Variants in DOCK11 observed in about 807,000 individuals in gnomAD.
DOCK11 encodes dedicator of cytokinesis protein 11.
Under a neutral mutation model 169.1 loss-of-function variants are expected in DOCK11, and 70 were observed. The observed-to-expected ratio is 0.41, with a 90% confidence interval of 0.34 to 0.51. DOCK11 has a LOEUF of 0.51. Ranked by LOEUF, DOCK11 falls within the 20% of genes least tolerant of loss-of-function variation. The probability of loss-of-function intolerance (pLI) is 0.10; values close to 1 mark genes in which losing one functional copy is unlikely to be tolerated. For missense variants in DOCK11, 1,166 were observed against 1,538.8 expected, an observed-to-expected ratio of 0.76 and a Z score of 4.05; for synonymous variants, 529 against 541.3, an observed-to-expected ratio of 0.98 and a Z score of 0.32.
intron 1 of DOCK11, among the ~76,000 whole-genome samples, chrX:118,539,012 C>T (rs1350922720): frequency 9.0e-6 from 1 of 111,301 alleles, no homozygotes; most frequent in Non-Finnish European, 1.9e-5. Flanking sequence ...AGGGTTCAGT[C>T]CCTTCTCATC....
chrX:118,576,520 C>T (rs1006925321), intron 12 of DOCK11, among the ~76,000 whole-genome samples: 1 of 111,852 alleles, frequency 8.9e-6, no homozygotes, highest in African/African-American at 3.3e-5. Context: ...CATCTCTGTG[C>T]CTCAGCATCC....
intron 41 of DOCK11, 76 bp downstream of exon 41, chrX:118,649,203 C>T: frequency 4.8e-6 from 4 of 825,190 alleles, no homozygotes; most frequent in Non-Finnish European, 6.7e-6. Context: ...CCAGAGCCAC[C>T]CAATCCAGTC....
chrX:118,559,700 A>G (rs1180503454), intron 6 of DOCK11, among the ~76,000 whole-genome samples: 1 of 110,992 alleles, frequency 9.0e-6, no homozygotes, highest in Admixed American at 9.7e-5. Flanking sequence ...CATGGGCAAC[A>G]TAGGGAGACC....
At chrX:118,526,663 A>G (rs1016556717) in intron 1 of DOCK11, among the ~76,000 whole-genome samples, 3 of 112,381 alleles carry the variant, frequency 2.7e-5, no homozygotes, top group Non-Finnish European at 5.6e-5. Context: ...CCCAAGGGTC[A>G]GAGGAAAGAG....
chrX:118,510,283 A>G (rs1157888699), intron 1 of DOCK11, among the ~76,000 whole-genome samples: 1 of 112,551 alleles, frequency 8.9e-6, no homozygotes, highest in African/African-American at 3.2e-5. Flanking sequence ...GCAAACAGCC[A>G]GGCGCAGAAG....
chrX:118,542,175 CTTT>C (rs35885757), intron 1 of DOCK11, among the ~76,000 whole-genome samples: 1 of 100,544 alleles, frequency 9.9e-6, no homozygotes, highest in African/African-American at 3.6e-5. Flanking sequence ...TTCTCCAGAA[CTTT>C]TTTTTTTTTT....
In DOCK11 at chrX:118,590,236, T is replaced by C; in HGVS notation, c.2073T>C (p.Ser691=). 1 of 1,210,913 alleles carries C rather than the reference T, an allele frequency of 8.3e-7. No individual in the cohort carries two copies. Among genetic ancestry groups the C allele is most frequent in the Non-Finnish European group, 1.1e-6 (1 of 894,804 alleles). Residue 691 remains serine (S), a synonymous_variant, in exon 19 of 53, where the codon TCT becomes TCC. Coordinates refer to ENST00000276202, the MANE Select transcript of DOCK11 (RefSeq NM_144658.4). ...GTATTTATGGAAAACCTGCAGGGTC[T>C]GTTTTTACCACAAATGCTTATGCTG... ...LKCIYGKPAG[S]VFTTNAYAVV... is the part of the protein sequence containing the mutation.
At chrX:118,680,951 T>C (rs2016728944) in intron 49 of DOCK11, 107 bp from the exon 50 acceptor site, 2 of 762,570 alleles carry the variant, frequency 2.6e-6, no homozygotes, top group Non-Finnish European at 3.8e-6. Context: ...AGTCATCTTC[T>C]AGATAAAGGA....
chrX:118,513,024 G>A (rs750005094), intron 1 of DOCK11, among the ~76,000 whole-genome samples: 7 of 111,429 alleles, frequency 6.3e-5, no homozygotes, highest in African/African-American at 9.8e-5. Context: ...GCTGCTCCTG[G>A]TGTTTGCCTC....
rs60932296 is a variant in DOCK11 at position 118,531,412 on chromosome X, C to CAAAAAA, written c.103-11279_103-11274dup. 3.4e-4 allele frequency among the ~76,000 whole-genome samples: 10 copies of CAAAAAA among 29,205 alleles called. 1 individual carries two copies. The highest frequency in any genetic ancestry group is 4.9e-4 in the African/African-American group (4 of 8,150). 25.4% of individuals were successfully genotyped at this position (29,205 alleles called of 115,157 possible). On this transcript the variant is annotated intron_variant, in intron 1 of 52. Coordinates refer to ENST00000276202, the MANE Select transcript of DOCK11 (RefSeq NM_144658.4). ...TCGGGGCTGCAGTGAGCCATATACTCAAAAAAAAAAAAAAAAAAAAAAAAA... is the reference window on the plus strand; with the variant it reads ...TCGGGGCTGCAGTGAGCCATATACTCAAAAAAAAAAAAAAAAAAAAAAAAAAAAAAA...
chrX:118,594,234 C>T (rs1296531748), intron 20 of DOCK11, among the ~76,000 whole-genome samples: 1 of 112,217 alleles, frequency 8.9e-6, no homozygotes, highest in Non-Finnish European at 1.9e-5. Context: ...GCCTTGTGAA[C>T]ACAGCTTGTA....
intron 28 of DOCK11, among the ~76,000 whole-genome samples, chrX:118,611,277 A>G (rs1404378517): frequency 1.8e-5 from 2 of 112,386 alleles, no homozygotes; most frequent in African/African-American, 3.2e-5. Context: ...CCTGATCACA[A>G]CAAATTTGTC....
At chrX:118,645,080 T>C (rs2015622171) in intron 40 of DOCK11, among the ~76,000 whole-genome samples, 1 of 111,780 alleles carries the variant, frequency 8.9e-6, no homozygotes, top group East Asian at 2.8e-4. Flanking sequence ...ACTGACAGTA[T>C]GGTGGAGTGT....
intron 19 of DOCK11, among the ~76,000 whole-genome samples, chrX:118,592,089 A>T (rs1420242483): frequency 9.3e-6 from 1 of 107,987 alleles, no homozygotes; most frequent in East Asian, 3.0e-4. Context: ...GCCGCAATAA[A>T]CATACATGTG....
chrX:118,518,911 A>C (rs950381262), intron 1 of DOCK11, among the ~76,000 whole-genome samples: 24 of 111,836 alleles, frequency 2.1e-4, no homozygotes, highest in African/African-American at 7.5e-4. Flanking sequence ...ATTTCTGCTT[A>C]ATTTTGCTGG....
At position 118,578,598 on chromosome X, in the gene DOCK11, ACAT is replaced by A; in HGVS notation, c.1464_1466del (p.Ile489del). 8.3e-7 allele frequency: 1 copy of A among 1,207,491 alleles called. No homozygotes were observed. Among genetic ancestry groups the A allele is most frequent in the Non-Finnish European group, 1.1e-6 (1 of 891,996 alleles). On this transcript the variant is annotated inframe_deletion, in exon 13 of 53. Coordinates refer to ENST00000276202, the MANE Select transcript of DOCK11 (RefSeq NM_144658.4). ...AGAATTGAAAAGGTACTACAGGGAA[ACAT>A]TACACACTGTGCAGAACCCTATATC... is the stretch of plus-strand genomic sequence containing the variant.
intron 1 of DOCK11, among the ~76,000 whole-genome samples, chrX:118,514,172 C>T (rs2057668014): frequency 9.1e-6 from 1 of 109,902 alleles, no homozygotes; most frequent in Non-Finnish European, 1.9e-5. Context: ...CATCCTGCCA[C>T]CCTGTGAAGA....
intron 7 of DOCK11, 101 bp downstream of exon 7, chrX:118,561,618 C>A (rs1477525225): frequency 1.1e-6 from 1 of 891,573 alleles, no homozygotes; most frequent in Non-Finnish European, 1.5e-6. Context: ...CCTGTAATCC[C>A]AGCACTTTGA....
At chrX:118,572,282 C>A in intron 10 of DOCK11, 41 bp from the exon 11 acceptor site, 1 of 1,084,910 alleles carries the variant, frequency 9.2e-7, no homozygotes, top group Non-Finnish European at 1.2e-6. Flanking sequence ...AATATGAATC[C>A]CATCTTTTTT....
Sources: gnomAD v4.1 joint callset for allele counts (sites outside exome capture counted in the v4.1 genomes callset) on GRCh38, gnomAD v4.1.1 for gene constraint, MANE v1.5 for transcripts, NCBI Gene and HGNC (gene_info 2026-07-23, HGNC 2026-07-21) for gene names.